Variants in SPATA18 observed in about 807,000 individuals in gnomAD.
SPATA18 encodes the protein spermatogenesis associated 18.
Under a neutral mutation model 68.1 loss-of-function variants are expected in SPATA18, and 54 were observed. The ratio of observed to expected loss-of-function variants is 0.79; its 90% CI spans 0.64 to 0.99. The LOEUF (loss-of-function observed/expected upper bound fraction) is 0.99, where lower values mean the gene tolerates loss of function less well. SPATA18 is among the 50% of genes least tolerant of loss of function. The pLI is 0.00. For missense variants in SPATA18, 724 were observed against 681.1 expected, an observed-to-expected ratio of 1.06 and a Z score of -0.70; for synonymous variants, 242 against 244.8, an observed-to-expected ratio of 0.99 and a Z score of 0.11.
At position 52,086,187 on chromosome 4, in the gene SPATA18, A is replaced by C. The variant is rs113689672; in HGVS notation, c.1563+1188A>C. 3.9e-5 allele frequency among the ~76,000 whole-genome samples: 6 copies of C among 152,270 alleles called. 1 individual carries two copies. The highest frequency in any genetic ancestry group is 1.4e-4 in the African/African-American group (6 of 41,556). On this transcript the variant is annotated intron_variant, in intron 11 of 12. Coordinates refer to ENST00000295213, the MANE Select transcript of SPATA18 (RefSeq NM_145263.4). ...CTCTAGCATGCAGCTGTAGCCCCAA[A>C]GTTGCAAAACTTCCTCAGCAAAACA...
In SPATA18 at chr4:52,091,943, C is replaced by T. The variant is rs937870437; in HGVS notation, c.1564-2584C>T. Among the ~76,000 whole-genome samples, 5 of 152,212 alleles carry T rather than the reference C, an allele frequency of 3.3e-5. No individual in the cohort carries two copies. The East Asian group carries it at 9.6e-4, about 29-fold the overall frequency. On this transcript the variant is annotated intron_variant, in intron 11 of 12. Transcript: ENST00000295213. The stretch of plus-strand genomic sequence containing the variant: ...AATCTGCCAGTCTGGCCACAGCAGC[C>T]TTGCTGAGCTGCAGTGTGCTCCACC...
chr4:52,084,156 A>G (rs189354482), intron 10 of SPATA18, among the ~76,000 whole-genome samples: 2 of 152,252 alleles, frequency 1.3e-5, no homozygotes, highest in African/African-American at 4.8e-5. Flanking sequence ...CTCCTACAGC[A>G]GTCACACTCT....
chr4:52,072,248 T>C, intron 6 of SPATA18, 92 bp downstream of exon 6: 2 of 1,528,282 alleles, frequency 1.3e-6, no homozygotes, highest in Non-Finnish European at 1.8e-6. Context: ...GATAAAATGA[T>C]ACCCTGAACC....
rs1739645073 is a variant in SPATA18, at chr4:52,069,845, TGAA to T, written c.451_453del (p.Glu151del). 1.9e-6 allele frequency: 3 copies of T among 1,589,130 alleles called. No homozygotes were observed. In the South Asian group the frequency reaches 3.4e-5, roughly 18 times the overall value. On this transcript the variant is annotated inframe_deletion, in exon 5 of 13. Coordinates refer to ENST00000295213, the MANE Select transcript of SPATA18 (RefSeq NM_145263.4). ...GTCTGGTTGAAACTGAAAAGAATCT[TGAA>T]GAAAGCAAGAACAGATCGGCCATAT...
intron 4 of SPATA18, among the ~76,000 whole-genome samples, chr4:52,064,755 T>C (rs1739177535): frequency 6.6e-6 from 1 of 152,238 alleles, no homozygotes; most frequent in Admixed American, 6.5e-5. Context: ...CATGTGTCCT[T>C]TTCATAAGAT....
rs1488973769 is a variant in SPATA18 at position 52,069,885 on chromosome 4, G to T, written c.487G>T (p.Ala163Ser). ...CAGATCGGCCATATCCCTTTTGGCT[G>T]CAGAGGAGGAAATAAATCAGCTGAA... ...KNRSAISLLA[A>S]EEEINQLKKQ... The change falls in exon 5 of 13, where the codon GCA becomes TCA. Residue 163 changes from alanine (A) to serine (S), a missense_variant. Transcript: ENST00000295213. 3.1e-6 allele frequency: 5 copies of T among 1,591,752 alleles called. No homozygotes were observed. Among genetic ancestry groups the T allele is most frequent in the East Asian group, 4.5e-5 (2 of 44,532 alleles).
chr4:52,080,755 C>G (rs144991640), intron 9 of SPATA18, among the ~76,000 whole-genome samples: 1 of 152,136 alleles, frequency 6.6e-6, no homozygotes, highest in African/African-American at 2.4e-5. Flanking sequence ...TTCCTAGGGT[C>G]GTAGAAGGTT....
intron 1 of SPATA18, among the ~76,000 whole-genome samples, chr4:52,053,383 T>TGG (rs1293614773): frequency 3.3e-5 from 5 of 152,198 alleles, no homozygotes; most frequent in African/African-American, 4.8e-5. Context: ...TCATACCTTG[T>TGG]GGCCACTCCC....
In SPATA18 at chr4:52,069,803, T is replaced by C. The variant is rs771381847; in HGVS notation, c.423-18T>C. 2.6e-6 allele frequency: 4 copies of C among 1,540,888 alleles called. No individual in the cohort carries two copies. The highest frequency in any genetic ancestry group is 3.5e-6 in the Non-Finnish European group (4 of 1,137,950). The stretch of plus-strand genomic sequence containing the variant: ...CAATTTTGAAAAATCTATCTTTAGT[T>C]ACTGATTTATCTTACAGTCTGGTTG... On this transcript the variant is annotated intron_variant, in intron 4 of 12. Coordinates refer to ENST00000295213, the MANE Select transcript of SPATA18 (RefSeq NM_145263.4).
At position 52,076,989 on chromosome 4, in the gene SPATA18, C is replaced by T; in HGVS notation, c.969C>T (p.Arg323=). Residue 323 remains arginine, a synonymous_variant, in exon 7 of 13, where the codon CGC becomes CGT. Coordinates refer to ENST00000295213, the MANE Select transcript of SPATA18 (RefSeq NM_145263.4). The part of the protein sequence containing the change: ...ARLDAQCLLR[R]CIDKAETVQR... Reference sequence around the variant, plus strand: ...TGGACGCGCAGTGCCTGCTGCGGCGCTGCATCGACAAGGCTGAGACCGTTC... The same window carrying T: ...TGGACGCGCAGTGCCTGCTGCGGCGTTGCATCGACAAGGCTGAGACCGTTC... 6.2e-7 allele frequency: 1 copy of T among 1,613,218 alleles called. No individual in the cohort carries two copies. Among genetic ancestry groups the T allele is most frequent in the Non-Finnish European group, 8.5e-7 (1 of 1,179,610 alleles).
At chr4:52,076,710 C>A in intron 6 of SPATA18, 69 bp from the exon 7 acceptor site, 1 of 1,585,186 alleles carries the variant, frequency 6.3e-7, no homozygotes. Flanking sequence ...CATTGGCCAC[C>A]AGATGATCTT....
At chr4:52,078,576 G>C in intron 7 of SPATA18, 159 bp from the exon 8 acceptor site, 1 of 542,608 alleles carries the variant, frequency 1.8e-6, no homozygotes, top group Non-Finnish European at 3.2e-6. Flanking sequence ...CAAAGTTAGA[G>C]ATGTATTTTC....
intron 11 of SPATA18, among the ~76,000 whole-genome samples, chr4:52,091,920 T>C (rs574514604): frequency 6.6e-6 from 1 of 152,266 alleles, no homozygotes; most frequent in East Asian, 1.9e-4. Context: ...AGAGGAGCAA[T>C]CTGCCAGTCT....
Position 52,076,985 on chromosome 4 carries a change from G to A in SPATA18, c.965G>A (p.Arg322Gln). ...CGCCTGGACGCGCAGTGCCTGCTGC[G>A]GCGCTGCATCGACAAGGCTGAGACC... The part of the protein sequence containing the change: ...QARLDAQCLL[R>Q]RCIDKAETVQ... The change falls in exon 7 of 13, where the codon CGG (arginine) becomes CAG (glutamine). Residue 322 changes from arginine to glutamine, a missense_variant. Coordinates refer to ENST00000295213, the MANE Select transcript of SPATA18 (RefSeq NM_145263.4). 6.2e-7 allele frequency: 1 copy of A among 1,613,444 alleles called. No homozygotes were observed. Among genetic ancestry groups the A allele is most frequent in the South Asian group, 1.1e-5 (1 of 90,888 alleles).
At chr4:52,084,142 C>A (rs1295556728) in intron 10 of SPATA18, among the ~76,000 whole-genome samples, 1 of 151,922 alleles carries the variant, frequency 6.6e-6, no homozygotes, top group Non-Finnish European at 1.5e-5. Context: ...AAACATACTT[C>A]TTGCTCCTAC....
chr4:52,079,002 T>C (rs772315197), intron 8 of SPATA18, 109 bp downstream of exon 8: 1 of 1,194,936 alleles, frequency 8.4e-7, no homozygotes, highest in Non-Finnish European at 1.1e-6. Context: ...TTCTATGTAA[T>C]GAAAAAGAAG....
intron 10 of SPATA18, 34 bp from the exon 11 acceptor site, chr4:52,084,882 G>A (rs759628679): frequency 1.2e-6 from 2 of 1,607,182 alleles, no homozygotes; most frequent in Non-Finnish European, 1.7e-6. Flanking sequence ...ACAAACTCCT[G>A]ACTATGTCTC....
intron 6 of SPATA18, among the ~76,000 whole-genome samples, chr4:52,073,016 T>C (rs759049918): frequency 4.6e-5 from 7 of 152,202 alleles, no homozygotes; most frequent in Non-Finnish European, 1.0e-4. Context: ...ATTTCCCTTA[T>C]TCTTTTTAAC....
In SPATA18 at chr4:52,051,733, CA is replaced by C. The variant is rs1193807819; in HGVS notation, c.32del (p.Asn11ThrfsTer11). Reference sequence around the variant, plus strand: ...GCGGAAAACCTGAAAAGACTGGTCTCAAACGAAACTTTACGAACGTTGCAGG... The same window carrying C: ...GCGGAAAACCTGAAAAGACTGGTCTCAACGAAACTTTACGAACGTTGCAGG... MAENLKRLV[S>X]NETLRTLQEK... On this transcript the variant is annotated frameshift_variant, in exon 1 of 13. Transcript: ENST00000295213. LOFTEE classifies it high-confidence loss of function. 5 of 1,614,116 alleles carry C rather than the reference CA, an allele frequency of 3.1e-6. No homozygotes were observed. Among genetic ancestry groups the C allele is most frequent in the African/African-American group, 2.7e-5 (2 of 74,944 alleles).
Sources: gnomAD v4.1 joint callset for allele counts (sites outside exome capture counted in the v4.1 genomes callset) on GRCh38, gnomAD v4.1.1 for gene constraint, MANE v1.5 for transcripts, NCBI Gene and HGNC (gene_info 2026-07-23, HGNC 2026-07-21) for gene names.